Variants in AHCYL2 observed in about 807,000 individuals in gnomAD.
The protein encoded by AHCYL2 is S-adenosylhomocysteine hydrolase-like protein 2.
In AHCYL2, 28 loss-of-function variants were observed where a neutral mutation model predicts 81.4. The ratio of observed to expected loss-of-function variants is 0.34; its 90% CI spans 0.25 to 0.47. The LOEUF is 0.47. AHCYL2 is among the 20% of genes least tolerant of loss of function. The pLI is 1.00. For missense variants in AHCYL2, 551 were observed against 785.1 expected, an observed-to-expected ratio of 0.70 and a Z score of 3.56; for synonymous variants, 272 against 290.2, an observed-to-expected ratio of 0.94 and a Z score of 0.64.
intron 1 of AHCYL2, among the ~76,000 whole-genome samples, chr7:129,374,155 A>G (rs1325001882): frequency 6.6e-6 from 1 of 152,130 alleles, no homozygotes; most frequent in Non-Finnish European, 1.5e-5. Context: ...AAAAGGAATG[A>G]TTTGAGGCTA....
intron 1 of AHCYL2, among the ~76,000 whole-genome samples, chr7:129,280,408 A>G (rs1005092059): frequency 6.6e-6 from 1 of 152,030 alleles, no homozygotes; most frequent in Non-Finnish European, 1.5e-5. Flanking sequence ...ACCTGAAGCA[A>G]TCCACCTGCC....
intron 1 of AHCYL2, among the ~76,000 whole-genome samples, chr7:129,276,046 C>A (rs1032836778): frequency 6.6e-6 from 1 of 152,014 alleles, no homozygotes. Flanking sequence ...GTACTCAATT[C>A]AGTTAAGACT....
intron 1 of AHCYL2, among the ~76,000 whole-genome samples, chr7:129,341,849 C>A (rs185481494): frequency 2.6e-5 from 4 of 152,236 alleles, no homozygotes; most frequent in African/African-American, 9.6e-5. Context: ...TGTAATCTGT[C>A]CACGATCTTG....
rs114231228 is a variant in AHCYL2, at chr7:129,352,808, A to C, written c.364-26830A>C. Among the ~76,000 whole-genome samples, 1,147 of 152,246 alleles carry C rather than the reference A, an allele frequency of 7.5e-3. 14 individuals are homozygous for C. Among genetic ancestry groups the C allele is most frequent in the African/African-American group, 0.026 (1,069 of 41,536 alleles). Reference sequence around the variant, plus strand: ...TAATCCATTTTCCACACAGCAGCAGATGTAAATAGAAATTATTTCATGTCA... The same window carrying C: ...TAATCCATTTTCCACACAGCAGCAGCTGTAAATAGAAATTATTTCATGTCA... On this transcript the variant is annotated intron_variant, in intron 1 of 16. Coordinates refer to ENST00000325006, the MANE Select transcript of AHCYL2 (RefSeq NM_015328.4).
At chr7:129,262,048 A>G (rs1187654418) in intron 1 of AHCYL2, among the ~76,000 whole-genome samples, 1 of 151,980 alleles carries the variant, frequency 6.6e-6, no homozygotes, top group Non-Finnish European at 1.5e-5. Flanking sequence ...AAAAAAGACT[A>G]TATGTTTGCA....
At chr7:129,372,427 T>C (rs1287948039) in intron 1 of AHCYL2, among the ~76,000 whole-genome samples, 1 of 152,180 alleles carries the variant, frequency 6.6e-6, no homozygotes, top group East Asian at 1.9e-4. Context: ...TTTTTCTTAA[T>C]ATATTACCTG....
rs1260619770 is a variant in AHCYL2 at position 129,419,537 on chromosome 7, G to C, written c.1462-3303G>C. On this transcript the variant is annotated intron_variant, in intron 12 of 16. Coordinates refer to ENST00000325006, the MANE Select transcript of AHCYL2 (RefSeq NM_015328.4). The surrounding 1 kb of genome is among the most constrained non-coding windows in gnomAD (Gnocchi z 4.7). ...CCACTGCACTCTAGCCTGGATGACA[G>C]AGTGAGACTCCGTCTCAGAAAAAAG... Among the ~76,000 whole-genome samples the C allele has an allele frequency of 6.6e-6, 1 of 152,128 alleles. No individual in the cohort carries two copies. The highest frequency in any genetic ancestry group is 2.4e-5 in the African/African-American group (1 of 41,424).
chr7:129,293,190 T>A (rs1796930387), intron 1 of AHCYL2, among the ~76,000 whole-genome samples: 2 of 151,998 alleles, frequency 1.3e-5, no homozygotes, highest in South Asian at 4.1e-4. Flanking sequence ...ATTGAGAAAC[T>A]CATTTGTAAT....
At chr7:129,403,286 T>C in intron 6 of AHCYL2, 93 bp from the exon 7 acceptor site, 1 of 730,776 alleles carries the variant, frequency 1.4e-6, no homozygotes, top group Non-Finnish European at 2.2e-6. Flanking sequence ...TATCTGTAAA[T>C]TGCTAATTAG....
chr7:129,298,332 A>G (rs903821245), intron 1 of AHCYL2, among the ~76,000 whole-genome samples: 1 of 152,202 alleles, frequency 6.6e-6, no homozygotes, highest in Non-Finnish European at 1.5e-5. Context: ...GAAGGAGAAA[A>G]TCACTTTGTC....
At chr7:129,336,585 G>A (rs1485541057) in intron 1 of AHCYL2, among the ~76,000 whole-genome samples, 1 of 152,096 alleles carries the variant, frequency 6.6e-6, no homozygotes, top group Non-Finnish European at 1.5e-5. Context: ...ACTTGAGGCA[G>A]GAAGTATAGA....
intron 1 of AHCYL2, among the ~76,000 whole-genome samples, chr7:129,312,986 G>GT (rs1468353049): frequency 6.6e-6 from 1 of 152,132 alleles, no homozygotes; most frequent in Non-Finnish European, 1.5e-5. Context: ...TTACCCTGCA[G>GT]TACTTTTTCT....
chr7:129,297,883 C>T (rs1320346724), intron 1 of AHCYL2, among the ~76,000 whole-genome samples: 1 of 152,046 alleles, frequency 6.6e-6, no homozygotes, highest in East Asian at 1.9e-4. Context: ...ATTAGCCCGA[C>T]ATGGTGGTGG....
At chr7:129,241,739 G>A (rs1012936975) in intron 1 of AHCYL2, among the ~76,000 whole-genome samples, 3 of 152,036 alleles carry the variant, frequency 2.0e-5, no homozygotes, top group East Asian at 1.9e-4. Flanking sequence ...AATTGAAGAC[G>A]CAGCTGGCCA....
intron 1 of AHCYL2, among the ~76,000 whole-genome samples, chr7:129,273,720 C>G (rs142245084): frequency 1.2e-4 from 18 of 152,252 alleles, no homozygotes; most frequent in African/African-American, 4.1e-4. Flanking sequence ...CTTAGGCTTA[C>G]TATGTTAAAC....
intron 6 of AHCYL2, among the ~76,000 whole-genome samples, chr7:129,403,119 C>T (rs1244725406): frequency 1.3e-5 from 2 of 152,098 alleles, no homozygotes; most frequent in Admixed American, 6.5e-5. Context: ...TATTTTGATA[C>T]AGTAGATATG....
chr7:129,315,679 T>C (rs944130882), intron 1 of AHCYL2, among the ~76,000 whole-genome samples: 1 of 152,200 alleles, frequency 6.6e-6, no homozygotes, highest in African/African-American at 2.4e-5. Context: ...TGTATCCTAG[T>C]GGGTGATTAG....
chr7:129,382,571 G>C (rs1472749660), intron 2 of AHCYL2, among the ~76,000 whole-genome samples: 1 of 152,076 alleles, frequency 6.6e-6, no homozygotes, highest in Non-Finnish European at 1.5e-5. Context: ...CTGCACTTCA[G>C]CCTGGGCAAT....
At chr7:129,265,524 G>T (rs1795787270) in intron 1 of AHCYL2, among the ~76,000 whole-genome samples, 1 of 152,104 alleles carries the variant, frequency 6.6e-6, no homozygotes, top group Non-Finnish European at 1.5e-5. Flanking sequence ...TTCTGAGGGG[G>T]TGTGTGTGGG....
Sources: allele counts gnomAD v4.1 joint callset (sites outside exome capture counted in the v4.1 genomes callset), GRCh38; gene constraint gnomAD v4.1.1; non-coding constraint Gnocchi (gnomAD v3.1); transcripts MANE v1.5; gene names NCBI Gene and HGNC (gene_info 2026-07-23, HGNC 2026-07-21).